The following RBFOX1 variants were observed in gnomAD, a reference collection of about 807,000 sequenced individuals.
The protein encoded by RBFOX1 is RNA binding protein fox-1 homolog 1.
Under a neutral mutation model 57.7 loss-of-function variants are expected in RBFOX1, and 8 were observed. The observed-to-expected ratio is 0.14, with a 90% CI of 0.08 to 0.25. The LOEUF (loss-of-function observed/expected upper bound fraction) is 0.25. Among genes scored for constraint, RBFOX1 ranks in the 10% least tolerant of loss-of-function variants. The pLI is 1.00. For synonymous variants in RBFOX1, 326 were observed against 222.4 expected (o/e 1.47, Z -4.15); for missense variants, 611 against 548.5 (o/e 1.11, Z -1.14).
chr16:6,300,488 C>A (rs181867421), intron 1 of RBFOX1, among the ~76,000 whole-genome samples: 1 of 152,192 alleles, frequency 6.6e-6, no homozygotes, highest in African/African-American at 2.4e-5. Flanking sequence ...AACCCAACTA[C>A]CTACCTCACA....
chr16:5,749,269 C>G (rs745348083), intron 3 of RBFOX1, among the ~76,000 whole-genome samples: 28 of 152,068 alleles, frequency 1.8e-4, no homozygotes, highest in Non-Finnish European at 3.8e-4. Flanking sequence ...TGTGTGTAAC[C>G]CGACCTTTCT....
intron 2 of RBFOX1, among the ~76,000 whole-genome samples, chr16:6,603,794 T>C (rs2097887379): frequency 6.6e-6 from 1 of 152,196 alleles, no homozygotes; most frequent in Non-Finnish European, 1.5e-5. Context: ...GGCTGCCTTT[T>C]TTATTTCTCG....
chr16:6,575,025 G>A (rs143180075), intron 2 of RBFOX1, among the ~76,000 whole-genome samples: 1 of 136,520 alleles, frequency 7.3e-6, no homozygotes, highest in Non-Finnish European at 1.6e-5. Context: ...GGGACAGAGC[G>A]AGACTCCGTC....
At chr16:7,244,452 C>A (rs1338595178) in intron 4 of RBFOX1, among the ~76,000 whole-genome samples, 5 of 152,094 alleles carry the variant, frequency 3.3e-5, no homozygotes, top group Non-Finnish European at 4.4e-5. Flanking sequence ...ATATTGAGAT[C>A]AAGTTTGGCC....
intron 4 of RBFOX1, chr16:7,333,114 C>G (rs1382908831): frequency 6.3e-7 from 1 of 1,594,650 alleles, no homozygotes; most frequent in Admixed American, 1.7e-5. Flanking sequence ...TGCCAGCCAG[C>G]AACTTAACTC....
chr16:5,998,723 C>A (rs2060533773), intron 4 of RBFOX1, among the ~76,000 whole-genome samples: 1 of 152,156 alleles, frequency 6.6e-6, no homozygotes, highest in Non-Finnish European at 1.5e-5. Flanking sequence ...TTTACCCAGT[C>A]TCTGATTGTC....
At chr16:6,725,014 C>G (rs1311258690) in intron 3 of RBFOX1, among the ~76,000 whole-genome samples, 1 of 136,614 alleles carries the variant, frequency 7.3e-6, no homozygotes, top group Admixed American at 7.3e-5. Context: ...CCAGGAGTCA[C>G]TTTTGTTGCC....
At chr16:5,873,469 T>TA (rs1158484357) in intron 4 of RBFOX1, among the ~76,000 whole-genome samples, 2 of 152,222 alleles carry the variant, frequency 1.3e-5, no homozygotes, top group Non-Finnish European at 2.9e-5. Flanking sequence ...CACCAAAGAA[T>TA]ATTTAAAGAA....
intron 3 of RBFOX1, among the ~76,000 whole-genome samples, chr16:6,715,130 AC>A (rs2064523313): frequency 6.6e-6 from 1 of 152,142 alleles, no homozygotes; most frequent in Non-Finnish European, 1.5e-5. Context: ...GCCACTTGGG[AC>A]TAAGCCACAG....
chr16:7,120,705 A>T (rs1047654271), intron 4 of RBFOX1, among the ~76,000 whole-genome samples: 1 of 150,924 alleles, frequency 6.6e-6, no homozygotes, highest in African/African-American at 2.4e-5. Context: ...AAAAAAAAAA[A>T]AAAACTATAC....
At chr16:5,503,415 C>G (rs1055974599) in intron 2 of RBFOX1, among the ~76,000 whole-genome samples, 3 of 152,178 alleles carry the variant, frequency 2.0e-5, no homozygotes, top group Admixed American at 6.5e-5. Flanking sequence ...TTCAAGTGTA[C>G]AAGACACTGG....
At chr16:5,748,431 G>A (rs1597087307) in intron 3 of RBFOX1, among the ~76,000 whole-genome samples, 2 of 152,136 alleles carry the variant, frequency 1.3e-5, no homozygotes, top group East Asian at 3.9e-4. Flanking sequence ...GGATATCCTT[G>A]TTAACTTTCG....
chr16:7,100,563 T>C, intron 4 of RBFOX1, among the ~76,000 whole-genome samples: 1 of 97,830 alleles, frequency 1.0e-5, no homozygotes, highest in Non-Finnish European at 2.1e-5. Flanking sequence ...TTTTTAAAGG[T>C]TGTTTTTTTT....
intron 4 of RBFOX1, among the ~76,000 whole-genome samples, chr16:7,278,181 G>T (rs1425504199): frequency 6.6e-5 from 10 of 152,148 alleles, no homozygotes; most frequent in Admixed American, 6.5e-4. Context: ...GGAAATGGTT[G>T]ATATGGTTAT....
chr16:6,183,038 G>A (rs2097076783), intron 1 of RBFOX1, among the ~76,000 whole-genome samples: 1 of 152,124 alleles, frequency 6.6e-6, no homozygotes, highest in Non-Finnish European at 1.5e-5. Context: ...TGTTTACTAA[G>A]TTCCAGGCAG....
intron 3 of RBFOX1, among the ~76,000 whole-genome samples, chr16:6,946,426 G>T (rs779925989): frequency 5.3e-5 from 8 of 152,184 alleles, no homozygotes; most frequent in Non-Finnish European, 7.3e-5. Flanking sequence ...TGAGTTCTGT[G>T]ATGAAAATAA....
intron 3 of RBFOX1, among the ~76,000 whole-genome samples, chr16:5,765,706 C>T (rs1018447389): frequency 6.6e-6 from 1 of 152,188 alleles, no homozygotes; most frequent in African/African-American, 2.4e-5. Context: ...AGAAAGGACG[C>T]CTTGTGTTTT....
chr16:5,758,566 T>C (rs1357080093), intron 3 of RBFOX1, among the ~76,000 whole-genome samples: 1 of 152,198 alleles, frequency 6.6e-6, no homozygotes, highest in Admixed American at 6.5e-5. Flanking sequence ...TGTTTTACAG[T>C]GACACTCTTA....
At chr16:6,225,166 A>G (rs999237319) in intron 1 of RBFOX1, among the ~76,000 whole-genome samples, 4 of 152,062 alleles carry the variant, frequency 2.6e-5, no homozygotes, top group Non-Finnish European at 5.9e-5. Context: ...ATCTTTAACA[A>G]TGGAAGGAAT....
Sources: allele counts gnomAD v4.1 joint callset (sites outside exome capture counted in the v4.1 genomes callset), GRCh38; gene constraint gnomAD v4.1.1; transcripts MANE v1.5; gene names NCBI Gene and HGNC (gene_info 2026-07-23, HGNC 2026-07-21).